The following RIPOR2 variants were observed in gnomAD, a reference collection of about 807,000 sequenced individuals.
RIPOR2 encodes rho family-interacting cell polarization regulator 2.
Under a neutral mutation model 114.5 loss-of-function variants are expected in RIPOR2, and 39 were observed. That is an observed-to-expected ratio of 0.34 (90% confidence interval 0.26 to 0.44). The LOEUF (loss-of-function observed/expected upper bound fraction) is 0.44. Ranked by LOEUF, RIPOR2 falls within the 20% of genes least tolerant of loss-of-function variation. RIPOR2 has a pLI of 1.00. For missense variants in RIPOR2, 1,007 were observed against 1,255.1 expected (o/e 0.80, Z 2.99); for synonymous variants, 445 against 484.4 (o/e 0.92, Z 1.07).
intron 1 of RIPOR2, among the ~76,000 whole-genome samples, chr6:25,032,843 A>T (rs114937806): frequency 0.013 from 1,985 of 152,348 alleles, 30 homozygotes; most frequent in East Asian, 0.042. Flanking sequence ...TGTTTGAAGA[A>T]ATGTATTGCT....
At chr6:24,876,244 C>T (rs1277834502) in intron 1 of RIPOR2, among the ~76,000 whole-genome samples, 5 of 151,688 alleles carry the variant, frequency 3.3e-5, no homozygotes, top group East Asian at 1.9e-4. Flanking sequence ...GAGCCGAGAT[C>T]GCCCCACTAC....
intron 1 of RIPOR2, chr6:24,911,024 T>C (rs2114066124): frequency 5.1e-6 from 5 of 972,594 alleles, no homozygotes; most frequent in Non-Finnish European, 6.1e-6. Context: ...CCGCGTCCGC[T>C]CGCAGCAGCT....
intron 1 of RIPOR2, among the ~76,000 whole-genome samples, chr6:24,946,113 T>C (rs7757708): frequency 0.05 from 7,661 of 151,776 alleles, 331 homozygotes; most frequent in African/African-American, 0.11. Flanking sequence ...GACAGAGTCT[T>C]ACTCTGTTGC....
chr6:24,878,437 CTA>C (rs1426855649), intron 1 of RIPOR2, among the ~76,000 whole-genome samples: 1 of 152,130 alleles, frequency 6.6e-6, no homozygotes, highest in Non-Finnish European at 1.5e-5. Context: ...TTTTAGTATT[CTA>C]TCTTATTTTG....
At chr6:24,878,929 C>T (rs1298633540) in intron 1 of RIPOR2, among the ~76,000 whole-genome samples, 3 of 89,740 alleles carry the variant, frequency 3.3e-5, no homozygotes, top group Admixed American at 1.2e-4. Flanking sequence ...AATAATTTTC[C>T]TTCTTCCTCA....
chr6:25,038,588 T>G (rs1330493103), intron 1 of RIPOR2, among the ~76,000 whole-genome samples: 1 of 152,188 alleles, frequency 6.6e-6, no homozygotes. Context: ...TGGGTGGCCT[T>G]TAGTTGCTGA....
chr6:24,825,283 A>G lies in RIPOR2; in HGVS notation c.2811T>C (p.Ser937=), dbSNP rs9358804. 0.84 allele frequency: 1,305,286 copies of G among 1,551,278 alleles called. 555,338 individuals carry two copies. Among genetic ancestry groups the G allele is most frequent in the East Asian group, 0.97 (39,600 of 40,922 alleles). ...CTGCCAAGTAAAGCGTCACAGCCTC[A>G]CTAACTTCGTTGTCCTCTCTGGTTA... ...LLLTREDNEV[S]EAVTLYLAAA... The change falls in exon 19 of 22, where the codon AGT becomes AGC. Residue 937 remains serine (S), a synonymous_variant. Coordinates refer to ENST00000643898, the MANE Select transcript of RIPOR2 (RefSeq NM_001286445.3).
intron 7 of RIPOR2, among the ~76,000 whole-genome samples, chr6:24,864,397 T>C (rs1010821442): frequency 1.4e-4 from 21 of 152,104 alleles, no homozygotes; most frequent in Non-Finnish European, 2.6e-4. Context: ...TTAAGTCAAA[T>C]AAAGAGAGAA....
chr6:24,875,965 C>G lies in RIPOR2; in HGVS notation c.62-148G>C, dbSNP rs376023269. On this transcript the variant is annotated intron_variant, in intron 1 of 21. Transcript: ENST00000643898. Reference sequence around the variant, plus strand: ...TCTTTATTATGGAGTGTCCTGAAGACGAAGGGTTCAACTCTCAAAAGAATA... The same window carrying G: ...TCTTTATTATGGAGTGTCCTGAAGAGGAAGGGTTCAACTCTCAAAAGAATA... The G allele has an allele frequency of 2.6e-5, 19 of 726,772 alleles. 1 individual carries two copies. The East Asian group carries it at 5.1e-4, about 19-fold the overall frequency. The allele number at this position is 726,772 out of a possible 1,614,324, so 45.0% of individuals were successfully genotyped here. A position where few individuals can be genotyped will look rare whatever the true frequency, so the allele number is the denominator to read the frequency against.
chr6:24,908,071 G>T (rs1769174986), intron 1 of RIPOR2, among the ~76,000 whole-genome samples: 1 of 144,756 alleles, frequency 6.9e-6, no homozygotes, highest in Non-Finnish European at 1.5e-5. Context: ...ATCTCCCCCA[G>T]CTCATGGAGC....
At chr6:24,933,343 A>G (rs1214311403) in intron 1 of RIPOR2, among the ~76,000 whole-genome samples, 2 of 152,212 alleles carry the variant, frequency 1.3e-5, no homozygotes. Flanking sequence ...TAAGTGAGTA[A>G]ACTGAGGCAC....
intron 1 of RIPOR2, among the ~76,000 whole-genome samples, chr6:25,017,884 A>G (rs922644533): frequency 6.6e-6 from 1 of 152,246 alleles, no homozygotes; most frequent in Non-Finnish European, 1.5e-5. Flanking sequence ...TCTTCAGGAC[A>G]CCTATGACAG....
At chr6:24,827,499 G>A (rs1391439618) in intron 18 of RIPOR2, among the ~76,000 whole-genome samples, 1 of 152,160 alleles carries the variant, frequency 6.6e-6, no homozygotes, top group Non-Finnish European at 1.5e-5. Flanking sequence ...AGGCTCTGTG[G>A]ATTTATAAAG....
At chr6:25,005,627 C>G (rs1775516272) in intron 1 of RIPOR2, among the ~76,000 whole-genome samples, 1 of 143,070 alleles carries the variant, frequency 7.0e-6, no homozygotes, top group Non-Finnish European at 1.5e-5. Context: ...TATGCAGGAC[C>G]TATTTAGCTT....
chr6:24,938,112 G>C (rs1299478756), upstream of RIPOR2, among the ~76,000 whole-genome samples: 1 of 152,158 alleles, frequency 6.6e-6, no homozygotes, highest in Non-Finnish European at 1.5e-5. Flanking sequence ...CTTAGAAACA[G>C]GGCCATTGAA....
chr6:24,876,563 A>G (rs1327140738), intron 1 of RIPOR2, among the ~76,000 whole-genome samples: 4 of 152,220 alleles, frequency 2.6e-5, no homozygotes, highest in Non-Finnish European at 5.9e-5. Flanking sequence ...AAGCTAAAAC[A>G]CTAGGTTACT....
intron 1 of RIPOR2, among the ~76,000 whole-genome samples, chr6:24,888,111 A>G (rs1047375484): frequency 6.6e-6 from 1 of 152,164 alleles, no homozygotes; most frequent in East Asian, 1.9e-4. Flanking sequence ...TACCTATTTT[A>G]AAAAAACCCA....
intron 1 of RIPOR2, among the ~76,000 whole-genome samples, chr6:24,908,293 T>A (rs1769192471): frequency 6.6e-6 from 1 of 152,246 alleles, no homozygotes; most frequent in South Asian, 2.1e-4. Flanking sequence ...TCTGACTTCT[T>A]TTCAGAATGA....
chr6:24,900,294 A>G lies in RIPOR2; in HGVS notation c.62-24477T>C, dbSNP rs191733016. 2.2e-3 allele frequency among the ~76,000 whole-genome samples: 330 copies of G among 152,224 alleles called. 4 individuals carry two copies. The highest frequency in any genetic ancestry group is 5.6e-4 in the Non-Finnish European group (38 of 68,012). ...TAAAACCAAGCTCTGCCTCTTAGTA[A>G]TTTTTCAGAGCCTCCATTCTCTCAT... is the stretch of plus-strand genomic sequence containing the variant. On this transcript the variant is annotated intron_variant, in intron 1 of 21. Coordinates refer to ENST00000643898, the MANE Select transcript of RIPOR2 (RefSeq NM_001286445.3).
Sources: allele counts gnomAD v4.1 joint callset (sites outside exome capture counted in the v4.1 genomes callset), GRCh38; gene constraint gnomAD v4.1.1; transcripts MANE v1.5; gene names NCBI Gene and HGNC (gene_info 2026-07-23, HGNC 2026-07-21).